The following NKAIN3 variants were observed in gnomAD, a reference collection of about 807,000 sequenced individuals.
The protein encoded by NKAIN3 is sodium/potassium transporting ATPase interacting 3.
A neutral mutation model predicts 30.2 loss-of-function variants in NKAIN3; 25 were observed. The observed-to-expected ratio is 0.83, with a 90% confidence interval of 0.60 to 1.16. The LOEUF (loss-of-function observed/expected upper bound fraction) is 1.16, where lower values mean the gene tolerates loss of function less well. Ranked by LOEUF, NKAIN3 falls within the 50% of genes most tolerant of loss-of-function variation. The probability of loss-of-function intolerance (pLI) is 0.00; values close to 1 mark genes in which losing one functional copy is unlikely to be tolerated. For synonymous variants in NKAIN3, 91 were observed against 89.6 expected, an observed-to-expected ratio of 1.02 and a Z score of -0.09; for missense variants, 225 against 254.1, an observed-to-expected ratio of 0.89 and a Z score of 0.78.
At chr8:62,661,554 G>C (rs1019571937) in intron 3 of NKAIN3, among the ~76,000 whole-genome samples, 15 of 152,152 alleles carry the variant, frequency 9.9e-5, no homozygotes, top group African/African-American at 3.6e-4. Flanking sequence ...CATCTCTACT[G>C]GGTAAGTAGT....
chr8:62,569,449 G>C (rs1809857414), intron 1 of NKAIN3, among the ~76,000 whole-genome samples: 1 of 152,136 alleles, frequency 6.6e-6, no homozygotes, highest in South Asian at 2.1e-4. Context: ...TGTTAGTGGA[G>C]TTGAGGCATA....
At chr8:62,735,081 G>C (rs1815604125) in intron 3 of NKAIN3, among the ~76,000 whole-genome samples, 1 of 152,120 alleles carries the variant, frequency 6.6e-6, no homozygotes, top group African/African-American at 2.4e-5. Flanking sequence ...ATGTGCCTAG[G>C]TGATTATCTT....
At chr8:62,574,777 T>A (rs1810057226) in intron 1 of NKAIN3, among the ~76,000 whole-genome samples, 1 of 152,140 alleles carries the variant, frequency 6.6e-6, no homozygotes, top group Non-Finnish European at 1.5e-5. Flanking sequence ...TAGTTTTGGT[T>A]TGCATTTCTC....
chr8:62,912,802 G>A (rs746575218), intron 4 of NKAIN3, among the ~76,000 whole-genome samples: 31 of 152,024 alleles, frequency 2.0e-4, no homozygotes, highest in Non-Finnish European at 4.0e-4. Context: ...CCAGCGACTC[G>A]GGAGGCTGAG....
In NKAIN3 at chr8:62,975,214, G is replaced by A. The variant is rs2130918002; in HGVS notation, c.*9807G>A. Among the ~76,000 whole-genome samples the A allele has an allele frequency of 6.6e-6, 1 of 152,136 alleles. No individual in the cohort carries two copies. The highest frequency in any genetic ancestry group is 2.1e-4 in the South Asian group (1 of 4,812). On this transcript the variant is annotated 3_prime_UTR_variant, in exon 7 of 7. Transcript: ENST00000623646. ...GAGGAGTCTGTCTTTTCTACTGTTT[G>A]GAATAGTTTCAGAAGGAATGGTACC...
At chr8:62,559,271 T>C (rs1376574504) in intron 1 of NKAIN3, among the ~76,000 whole-genome samples, 1 of 152,006 alleles carries the variant, frequency 6.6e-6, no homozygotes, top group Non-Finnish European at 1.5e-5. Flanking sequence ...GTTTCCATAA[T>C]ACACTCATTT....
chr8:62,263,560 G>A (rs771077284), intron 1 of NKAIN3, among the ~76,000 whole-genome samples: 21 of 152,116 alleles, frequency 1.4e-4, no homozygotes, highest in Non-Finnish European at 2.5e-4. Context: ...GGATGTATGG[G>A]TGAAGAATCA....
At chr8:62,913,253 T>C (rs559566150) in intron 4 of NKAIN3, among the ~76,000 whole-genome samples, 1 of 152,336 alleles carries the variant, frequency 6.6e-6, no homozygotes, top group South Asian at 2.1e-4. Context: ...TCAAGTATTA[T>C]ATACTATATG....
At chr8:62,448,161 T>C (rs1205582131) in intron 1 of NKAIN3, among the ~76,000 whole-genome samples, 3 of 151,896 alleles carry the variant, frequency 2.0e-5, no homozygotes, top group African/African-American at 7.2e-5. Context: ...CATTTATGTC[T>C]CAGATGAGTT....
In NKAIN3 at chr8:62,960,014, T is replaced by G. The variant is rs116211625; in HGVS notation, c.604-5340T>G. The stretch of plus-strand genomic sequence containing the variant: ...CTTTGTCACTGACATTAATAACTTT[T>G]TGATGCATCATAAGAATGGTTGTAC... On this transcript the variant is annotated intron_variant, in intron 6 of 6. Coordinates refer to ENST00000623646, the MANE Select transcript of NKAIN3 (RefSeq NM_001304533.3). 5.7e-3 allele frequency among the ~76,000 whole-genome samples: 874 copies of G among 152,348 alleles called. 10 individuals carry two copies. The highest frequency in any genetic ancestry group is 0.02 in the African/African-American group (837 of 41,568).
At chr8:62,881,532 G>A (rs369835936) in intron 4 of NKAIN3, among the ~76,000 whole-genome samples, 3 of 152,138 alleles carry the variant, frequency 2.0e-5, no homozygotes, top group African/African-American at 4.8e-5. Flanking sequence ...ATAGCACATC[G>A]CTCAATAGGA....
chr8:62,842,228 G>T (rs1819553894), intron 4 of NKAIN3, among the ~76,000 whole-genome samples: 1 of 151,804 alleles, frequency 6.6e-6, no homozygotes, highest in South Asian at 2.1e-4. Context: ...TGAGCTATCT[G>T]AAAAGAAAGT....
chr8:62,746,277 C>T (rs1025057721), intron 3 of NKAIN3, among the ~76,000 whole-genome samples: 2 of 152,180 alleles, frequency 1.3e-5, no homozygotes, highest in Non-Finnish European at 2.9e-5. Flanking sequence ...CTCTCTGCCT[C>T]CCTCTTATAA....
At chr8:62,881,086 A>G (rs1820964632) in intron 4 of NKAIN3, among the ~76,000 whole-genome samples, 1 of 152,218 alleles carries the variant, frequency 6.6e-6, no homozygotes, top group Non-Finnish European at 1.5e-5. Flanking sequence ...TACATTTATT[A>G]CAAGTGTAAT....
At chr8:62,517,656 C>A (rs993594079) in intron 1 of NKAIN3, among the ~76,000 whole-genome samples, 3 of 152,092 alleles carry the variant, frequency 2.0e-5, no homozygotes, top group Non-Finnish European at 2.9e-5. Flanking sequence ...GTTTCCACCC[C>A]ACAATGTGTA....
intron 1 of NKAIN3, among the ~76,000 whole-genome samples, chr8:62,353,265 A>C (rs1816238919): frequency 6.6e-6 from 1 of 152,358 alleles, no homozygotes; most frequent in African/African-American, 2.4e-5. Flanking sequence ...GTGTAGTTTA[A>C]TAGTTCCTAT....
intron 1 of NKAIN3, among the ~76,000 whole-genome samples, chr8:62,515,121 T>C (rs1288148259): frequency 6.6e-6 from 1 of 152,142 alleles, no homozygotes; most frequent in African/African-American, 2.4e-5. Context: ...AATATTGTTT[T>C]GTCTGGGTAT....
intron 1 of NKAIN3, among the ~76,000 whole-genome samples, chr8:62,509,727 C>G (rs965974210): frequency 6.6e-6 from 1 of 152,074 alleles, no homozygotes; most frequent in Admixed American, 6.6e-5. Flanking sequence ...TCTTTCTTAT[C>G]GTAACTCTCC....
chr8:62,279,689 A>T (rs1813101890), intron 1 of NKAIN3, among the ~76,000 whole-genome samples: 2 of 152,040 alleles, frequency 1.3e-5, no homozygotes, highest in South Asian at 2.1e-4. Flanking sequence ...GCTGTAGATA[A>T]GTGGTATTAT....
Sources: gnomAD v4.1 joint callset for allele counts (sites outside exome capture counted in the v4.1 genomes callset) on GRCh38, gnomAD v4.1.1 for gene constraint, MANE v1.5 for transcripts, NCBI Gene and HGNC (gene_info 2026-07-23, HGNC 2026-07-21) for gene names.